The following RCC1L variants were observed in gnomAD, a reference collection of about 807,000 sequenced individuals.
RCC1L encodes the protein RCC1 like, also known as RCC1-like G exchanging factor-like protein.
A neutral mutation model predicts 58.6 loss-of-function variants in RCC1L; 46 were observed. The ratio of observed to expected loss-of-function variants is 0.79; its 90% CI spans 0.62 to 1.00. The LOEUF is 1.00. RCC1L is among the 50% of genes least tolerant of loss of function. The pLI is 0.00. For missense variants in RCC1L, 636 were observed against 623.6 expected (o/e 1.02, Z -0.21); for synonymous variants, 281 against 262.9 (o/e 1.07, Z -0.67).
Position 75,066,676 on chromosome 7 carries a change from C to A in RCC1L, c.571G>T (p.Asp191Tyr). ...CGRAHSLVLT[D>Y]REGVFSMGNN... ...TAGGTCAACTCACCTCCTTCCCTGT[C>A]AGTCAACACAAGAGAGTGAGCTCGG... is the stretch of plus-strand genomic sequence containing the variant. Residue 191 changes from aspartate to tyrosine, a missense_variant, in exon 3 of 11, where the codon GAC becomes TAC. By Grantham distance (160) the Asp-to-Tyr change is radical. Transcript: ENST00000610322. 1 of 1,612,654 alleles carries A rather than the reference C, an allele frequency of 6.2e-7. No individual in the cohort carries two copies. The highest frequency in any genetic ancestry group is 1.1e-5 in the South Asian group (1 of 90,974).
At chr7:75,061,405 T>C (rs1806276520) in intron 5 of RCC1L, 114 bp from the exon 6 acceptor site, 4 of 849,806 alleles carry the variant, frequency 4.7e-6, no homozygotes, top group Non-Finnish European at 6.1e-6. Context: ...TGGAGCATGG[T>C]CCAGGCAGAC....
chr7:75,043,417 G>A (rs1437430550), intron 10 of RCC1L, among the ~76,000 whole-genome samples: 2 of 152,216 alleles, frequency 1.3e-5, no homozygotes, highest in Non-Finnish European at 2.9e-5. Context: ...AGCCTGAGAG[G>A]GCATGTCGGG....
chr7:75,071,150 C>A (rs1806712793), intron 1 of RCC1L, among the ~76,000 whole-genome samples: 1 of 152,168 alleles, frequency 6.6e-6, no homozygotes, highest in African/African-American at 2.4e-5. Flanking sequence ...GCCACCGTGC[C>A]TGGCCCAAGA....
chr7:75,058,563 C>T, intron 7 of RCC1L, 25 bp downstream of exon 7: 2 of 1,571,748 alleles, frequency 1.3e-6, no homozygotes, highest in Non-Finnish European at 1.7e-6. Flanking sequence ...AACCTCCCAG[C>T]ACCACGCTGT....
intron 10 of RCC1L, among the ~76,000 whole-genome samples, chr7:75,045,949 C>CA (rs1211611068): frequency 6.6e-6 from 1 of 152,254 alleles, no homozygotes; most frequent in Non-Finnish European, 1.5e-5. Flanking sequence ...TGGCAGCATG[C>CA]AGCCAGGTGG....
intron 7 of RCC1L, chr7:75,057,952 G>A: frequency 2.8e-6 from 1 of 354,488 alleles, no homozygotes; most frequent in South Asian, 2.2e-5. Flanking sequence ...GAGGTCAGGA[G>A]TTCGAGACCA....
Position 75,064,664 on chromosome 7 carries a change from C to G in RCC1L, c.584-16G>C. 1 of 1,613,502 alleles carries G rather than the reference C, an allele frequency of 6.2e-7. No homozygotes were observed. Among genetic ancestry groups the G allele is most frequent in the Non-Finnish European group, 8.5e-7 (1 of 1,179,610 alleles). ...ATGCTGAAGACTAAAAATAACACCA[C>G]CAATCAAATCAGTTCTGCAGGTTTG... On this transcript the variant is annotated splice_polypyrimidine_tract_variant and intron_variant, in intron 3 of 10. Transcript: ENST00000610322.
chr7:75,047,555 T>C (rs1441899782), intron 10 of RCC1L, among the ~76,000 whole-genome samples: 2 of 152,234 alleles, frequency 1.3e-5, no homozygotes, highest in Admixed American at 1.3e-4. Flanking sequence ...TGAGTTACCA[T>C]GCCTGGCCTG....
chr7:75,055,765 T>G, intron 9 of RCC1L, 136 bp downstream of exon 9: 1 of 997,290 alleles, frequency 1.0e-6, no homozygotes. Context: ...GGCTTAGCCC[T>G]TGCTTGAGTT....
At chr7:75,058,494 G>A in intron 7 of RCC1L, 94 bp downstream of exon 7, 4 of 1,497,642 alleles carry the variant, frequency 2.7e-6, no homozygotes, top group Non-Finnish European at 3.6e-6. Context: ...GCCTTCCAAA[G>A]TGCTGGGATT....
At chr7:75,051,260 GTA>G (rs1160009410) in intron 10 of RCC1L, among the ~76,000 whole-genome samples, 1,729 of 144,408 alleles carry the variant, frequency 0.012, 34 homozygotes, top group African/African-American at 0.034. Flanking sequence ...ATGTGTGTGT[GTA>G]TATATACACA....
At chr7:75,070,155 G>C (rs937266373) in intron 2 of RCC1L, among the ~76,000 whole-genome samples, 1 of 152,082 alleles carries the variant, frequency 6.6e-6, no homozygotes, top group Non-Finnish European at 1.5e-5. Context: ...TTTGCCTGAG[G>C]GTTCAACATT....
intron 9 of RCC1L, 144 bp downstream of exon 9, chr7:75,055,757 C>A (rs1554443823): frequency 1.4e-5 from 13 of 931,916 alleles, no homozygotes; most frequent in African/African-American, 3.3e-5. Context: ...CAACTTCTGG[C>A]TTAGCCCTTG....
intron 10 of RCC1L, among the ~76,000 whole-genome samples, chr7:75,051,494 A>G (rs1161854755): frequency 6.6e-6 from 1 of 151,564 alleles, no homozygotes; most frequent in Non-Finnish European, 1.5e-5. Flanking sequence ...GCTCACTGCA[A>G]CCTCTGCCTC....
At chr7:75,057,920 G>A (rs1350654403) in intron 7 of RCC1L, 3 of 382,986 alleles carry the variant, frequency 7.8e-6, no homozygotes, top group African/African-American at 2.1e-5. Flanking sequence ...CACTCTGGGA[G>A]GCGGAGGCAG....
rs1033517798 is a variant in RCC1L at position 75,047,722 on chromosome 7, A to T, written c.1318-4613T>A. Reference sequence around the variant, plus strand: ...GAGTGCAGTGGCGCAATCTCGGCTCACTGCAACCTCCGCCTCCTAGGTTCA... The same window carrying T: ...GAGTGCAGTGGCGCAATCTCGGCTCTCTGCAACCTCCGCCTCCTAGGTTCA... On this transcript the variant is annotated intron_variant, in intron 10 of 10. Transcript: ENST00000610322. Among the ~76,000 whole-genome samples the T allele has an allele frequency of 7.0e-3, 1,059 of 151,592 alleles. 15 individuals are homozygous for T. Among genetic ancestry groups the T allele is most frequent in the African/African-American group, 0.025 (1,020 of 41,420 alleles).
At chr7:75,055,822 T>A (rs1554443833) in intron 9 of RCC1L, 79 bp downstream of exon 9, 2 of 1,551,970 alleles carry the variant, frequency 1.3e-6, no homozygotes, top group Admixed American at 1.7e-5. Context: ...ACCTGAGAGC[T>A]GCCCGCAGTT....
chr7:75,042,744 A>G lies in RCC1L; in HGVS notation c.*288T>C, dbSNP rs1342544829. The G allele has an allele frequency of 1.5e-6, 2 of 1,358,822 alleles. No individual in the cohort carries two copies. Among genetic ancestry groups the G allele is most frequent in the Non-Finnish European group, 1.9e-6 (2 of 1,048,174 alleles). 84.2% of individuals were successfully genotyped at this position (1,358,822 alleles called of 1,614,324 possible). ...CTTCTCAGGCGAGACGTGACACCAG[A>G]CACCGTCGCATGTTACTTGGAGAGA... On this transcript the variant is annotated 3_prime_UTR_variant, in exon 11 of 11. Transcript: ENST00000610322.
chr7:75,043,259 A>G, intron 10 of RCC1L, 150 bp from the exon 11 acceptor site: 1 of 953,588 alleles, frequency 1.0e-6, no homozygotes, highest in Non-Finnish European at 1.6e-6. Flanking sequence ...TCAGTAGGAG[A>G]CAGCTTCTCT....
Sources: gnomAD v4.1 joint callset for allele counts (sites outside exome capture counted in the v4.1 genomes callset) on GRCh38, gnomAD v4.1.1 for gene constraint, MANE v1.5 for transcripts, NCBI Gene and HGNC (gene_info 2026-07-23, HGNC 2026-07-21) for gene names.